Variants in GHR observed in about 807,000 individuals in gnomAD.
GHR encodes GH receptor.
Under a neutral mutation model 67.1 loss-of-function variants are expected in GHR, and 35 were observed. The observed-to-expected ratio is 0.52, with a 90% CI of 0.40 to 0.69. The LOEUF is 0.69. Among genes scored for constraint, GHR ranks in the 30% least tolerant of loss-of-function variants. The pLI, the probability that GHR is intolerant of heterozygous loss-of-function variation, is 0.00. For missense variants in GHR, 792 were observed against 764.6 expected (o/e 1.04, Z -0.42); for synonymous variants, 272 against 269.1 (o/e 1.01, Z -0.10).
chr5:42,550,746 G>A (rs1748985277), intron 1 of GHR, among the ~76,000 whole-genome samples: 1 of 152,152 alleles, frequency 6.6e-6, no homozygotes, highest in Admixed American at 6.5e-5. Flanking sequence ...TGGACTGTGG[G>A]AAGCCGAGTT....
chr5:42,693,634 G>A (rs546898539), intron 4 of GHR, among the ~76,000 whole-genome samples: 70 of 152,190 alleles, frequency 4.6e-4, no homozygotes, highest in African/African-American at 1.6e-3. Context: ...GGAAATAGGC[G>A]TCTTCTCCCA....
chr5:42,426,423 A>G (rs1430513892), intron 1 of GHR, among the ~76,000 whole-genome samples: 2 of 152,218 alleles, frequency 1.3e-5, no homozygotes, highest in Admixed American at 6.5e-5. Flanking sequence ...TATGTTTTTT[A>G]AATCTGCTAA....
chr5:42,621,855 T>C (rs1753462899), intron 2 of GHR, among the ~76,000 whole-genome samples: 1 of 152,142 alleles, frequency 6.6e-6, no homozygotes, highest in South Asian at 2.1e-4. Flanking sequence ...CACTCCCTCA[T>C]GGAGATGTGG....
intron 1 of GHR, among the ~76,000 whole-genome samples, chr5:42,502,637 T>G (rs1390146265): frequency 6.6e-6 from 1 of 151,938 alleles, no homozygotes; most frequent in Non-Finnish European, 1.5e-5. Context: ...AGCACTGTCA[T>G]CTCCATCTAG....
At chr5:42,467,299 T>C in intron 1 of GHR, 1 of 1,116,962 alleles carries the variant, frequency 9.0e-7, no homozygotes, top group African/African-American at 1.5e-5. Flanking sequence ...CTCACACTCA[T>C]ATGGCTTCTC....
chr5:42,432,058 A>G (rs1427352294), intron 1 of GHR, among the ~76,000 whole-genome samples: 1 of 152,214 alleles, frequency 6.6e-6, no homozygotes, highest in Non-Finnish European at 1.5e-5. Flanking sequence ...ACTGTGCTAG[A>G]CATTTGCTGT....
chr5:42,536,567 A>G (rs1414367981), intron 1 of GHR, among the ~76,000 whole-genome samples: 1 of 152,154 alleles, frequency 6.6e-6, no homozygotes, highest in African/African-American at 2.4e-5. Flanking sequence ...TCAGTTAGCT[A>G]GTATTTTGTT....
At chr5:42,452,959 A>G (rs1483629131) in intron 1 of GHR, among the ~76,000 whole-genome samples, 1 of 151,970 alleles carries the variant, frequency 6.6e-6, no homozygotes, top group Non-Finnish European at 1.5e-5. Context: ...TGGGGGTTTT[A>G]TAGAACTCTG....
chr5:42,522,194 G>A (rs900586563), intron 1 of GHR, among the ~76,000 whole-genome samples: 6 of 152,124 alleles, frequency 3.9e-5, no homozygotes, highest in Admixed American at 3.9e-4. Context: ...TTTGTTGATT[G>A]AGCCACTTTG....
At chr5:42,577,687 A>T (rs1300838626) in intron 2 of GHR, among the ~76,000 whole-genome samples, 1 of 152,184 alleles carries the variant, frequency 6.6e-6, no homozygotes, top group Non-Finnish European at 1.5e-5. Flanking sequence ...AGCTGAACTT[A>T]TACATTTTGT....
rs1758922723 is a variant in GHR at position 42,719,631 on chromosome 5, A to G, written c.*207A>G. ...ATCAGATAGATATTCCTATTGTGCA[A>G]TGTAAATATTTTAAAGAATTGTGTC... On this transcript the variant is annotated 3_prime_UTR_variant, in exon 10 of 10. Transcript: ENST00000230882. 1 of 580,328 alleles carries G rather than the reference A, an allele frequency of 1.7e-6. No individual in the cohort carries two copies. Among genetic ancestry groups the G allele is most frequent in the African/African-American group, 1.9e-5 (1 of 53,828 alleles). The allele number at this position is 580,328 out of a possible 1,614,324, so 35.9% of individuals were successfully genotyped here.
chr5:42,652,123 C>G (rs910450795), intron 3 of GHR, among the ~76,000 whole-genome samples: 1 of 152,114 alleles, frequency 6.6e-6, no homozygotes, highest in Non-Finnish European at 1.5e-5. Context: ...TTGCATACAT[C>G]TCACTTCCTA....
At chr5:42,432,834 T>C (rs539814435) in intron 1 of GHR, among the ~76,000 whole-genome samples, 1 of 152,344 alleles carries the variant, frequency 6.6e-6, no homozygotes, top group African/African-American at 2.4e-5. Context: ...TTATTTCCCA[T>C]AGAGACATTG....
intron 9 of GHR, 56 bp from the exon 10 acceptor site, chr5:42,718,397 C>CAT (rs1464627893): frequency 7.9e-7 from 1 of 1,263,496 alleles, no homozygotes; most frequent in East Asian, 2.3e-5. Context: ...TTTGCTAATT[C>CAT]ATTTAATTAT....
At chr5:42,429,506 G>T (rs1742997664) in intron 1 of GHR, among the ~76,000 whole-genome samples, 1 of 152,168 alleles carries the variant, frequency 6.6e-6, no homozygotes, top group Admixed American at 6.5e-5. Context: ...TAATATTAAT[G>T]AAATTCTTTA....
Position 42,615,738 on chromosome 5 carries a change from AAAC to A in GHR, c.71-13297_71-13295del, listed in dbSNP as rs1297359598. Among the ~76,000 whole-genome samples the A allele has an allele frequency of 1.6e-4, 21 of 131,082 alleles. 1 individual carries two copies. Among genetic ancestry groups the A allele is most frequent in the African/African-American group, 6.3e-4 (18 of 28,658 alleles). The allele number at this position is 131,082 out of a possible 152,430, so 86.0% of individuals were successfully genotyped here. On this transcript the variant is annotated intron_variant, in intron 2 of 9. Transcript: ENST00000230882. ...CAGTAGAAATTTGGAAAAAAACAAA[AAAC>A]AAAAAAAAAAAAACATAGAATTAAT...
At chr5:42,472,222 C>T (rs1579764142) in intron 1 of GHR, among the ~76,000 whole-genome samples, 1 of 152,214 alleles carries the variant, frequency 6.6e-6, no homozygotes, top group East Asian at 1.9e-4. Context: ...TGCTTTACTT[C>T]TGGAGATGTA....
chr5:42,576,110 A>AAAT lies in GHR; in HGVS notation c.70+10169_70+10171dup, dbSNP rs1372697810. ...AAAATAAAATAAAATAAATAAAATA[A>AAAT]AATAAAATAAAATAAAATAAAATAA... is the stretch of plus-strand genomic sequence containing the variant. On this transcript the variant is annotated intron_variant, in intron 2 of 9. Coordinates refer to ENST00000230882, the MANE Select transcript of GHR (RefSeq NM_000163.5). 9.1e-3 allele frequency among the ~76,000 whole-genome samples: 813 copies of AAAT among 89,608 alleles called. 48 individuals are homozygous for AAAT. The highest frequency in any genetic ancestry group is 0.031 in the African/African-American group (556 of 18,018). The allele number at this position is 89,608 out of a possible 152,430, so 58.8% of individuals were successfully genotyped here.
chr5:42,613,983 A>G (rs1035778110), intron 2 of GHR, among the ~76,000 whole-genome samples: 5 of 152,136 alleles, frequency 3.3e-5, no homozygotes, highest in African/African-American at 1.2e-4. Context: ...CCTGGCTCAA[A>G]GGACATTTTC....
Sources: allele counts gnomAD v4.1 joint callset (sites outside exome capture counted in the v4.1 genomes callset), GRCh38; gene constraint gnomAD v4.1.1; transcripts MANE v1.5; gene names NCBI Gene and HGNC (gene_info 2026-07-23, HGNC 2026-07-21).